The following WWOX variants were observed in gnomAD, a reference collection of about 807,000 sequenced individuals.
WWOX encodes WW domain-containing oxidoreductase.
WWOX carries 69 observed loss-of-function variants against 46.2 expected under a neutral mutation model. The ratio of observed to expected loss-of-function variants is 1.49; its 90% CI spans 1.23 to 1.82. WWOX has a LOEUF of 1.82. WWOX is among the 40% of genes most tolerant of loss of function. The pLI is 0.00. For synonymous variants in WWOX, 359 were observed against 202.6 expected, an observed-to-expected ratio of 1.77 and a Z score of -6.56; for missense variants, 919 against 542.6, an observed-to-expected ratio of 1.69 and a Z score of -6.89.
At chr16:78,412,597 G>A (rs941652324) in intron 6 of WWOX, among the ~76,000 whole-genome samples, 1 of 152,172 alleles carries the variant, frequency 6.6e-6, no homozygotes, top group Non-Finnish European at 1.5e-5. Context: ...GGAGGTCCAA[G>A]AGTGGATGGT....
intron 8 of WWOX, among the ~76,000 whole-genome samples, chr16:78,575,256 A>G (rs2044849000): frequency 6.8e-6 from 1 of 147,600 alleles, no homozygotes; most frequent in Non-Finnish European, 1.5e-5. Context: ...ACACATCAAA[A>G]CTGACTTTTT....
Position 78,939,762 on chromosome 16 carries a change from G to A in WWOX, c.1057-271846G>A, listed in dbSNP as rs1013956339. Among the ~76,000 whole-genome samples, 11 of 152,318 alleles carry A rather than the reference G, an allele frequency of 7.2e-5. No homozygotes were observed. The East Asian group carries it at 1.9e-3, about 27-fold the overall frequency. ...TCTGGGTAACCCAGCCCCTTTTAAT[G>A]ACAACTTCAGTTCTCCAAATTCCAC... is the stretch of plus-strand genomic sequence containing the variant. On this transcript the variant is annotated intron_variant, in intron 8 of 8. Transcript: ENST00000566780.
At chr16:78,952,573 G>C (rs2046083564) in intron 8 of WWOX, among the ~76,000 whole-genome samples, 1 of 151,956 alleles carries the variant, frequency 6.6e-6, no homozygotes, top group Non-Finnish European at 1.5e-5. Flanking sequence ...AGTAGAGACG[G>C]GGTTTCTGCC....
intron 8 of WWOX, among the ~76,000 whole-genome samples, chr16:78,520,807 T>C (rs2043331686): frequency 2.0e-5 from 3 of 152,202 alleles, no homozygotes; most frequent in South Asian, 4.1e-4. Context: ...TGATTTTCTG[T>C]TCGTGGCCTC....
In WWOX at chr16:78,388,645, C is replaced by CAAAA. The variant is rs59881601; in HGVS notation, c.605+1726_605+1729dup. Among the ~76,000 whole-genome samples, 34 of 53,046 alleles carry CAAAA rather than the reference C, an allele frequency of 6.4e-4. 2 individuals carry two copies. In the South Asian group the frequency reaches 0.013, roughly 20 times the overall value. 34.8% of individuals were successfully genotyped at this position (53,046 alleles called of 152,430 possible). A position where few individuals can be genotyped will look rare whatever the true frequency, so the allele number is the denominator to read the frequency against. ...CTGGCGACAGATTGAGACTCCGTCT[C>CAAAA]AAAAAAAAAAAAAAAAAAAAAAAAA... is the stretch of plus-strand genomic sequence containing the variant. On this transcript the variant is annotated intron_variant, in intron 6 of 8. Coordinates refer to ENST00000566780, the MANE Select transcript of WWOX (RefSeq NM_016373.4).
At chr16:78,720,716 C>G (rs531331569) in intron 8 of WWOX, among the ~76,000 whole-genome samples, 5 of 152,038 alleles carry the variant, frequency 3.3e-5, no homozygotes, top group South Asian at 2.1e-4. Context: ...GTGGTTTACA[C>G]TATAAATTTC....
intron 8 of WWOX, among the ~76,000 whole-genome samples, chr16:78,947,033 A>G (rs1431072198): frequency 6.7e-6 from 1 of 148,366 alleles, no homozygotes; most frequent in African/African-American, 2.4e-5. Context: ...TGCCTCCGTA[A>G]AGGAGTAAGT....
At chr16:78,583,349 T>G (rs765436808) in intron 8 of WWOX, among the ~76,000 whole-genome samples, 1 of 152,188 alleles carries the variant, frequency 6.6e-6, no homozygotes, top group Admixed American at 6.5e-5. Flanking sequence ...CTGACAGTAC[T>G]CAGATTTGCT....
At chr16:78,113,882 G>C (rs1211447751) in intron 3 of WWOX, among the ~76,000 whole-genome samples, 1 of 152,050 alleles carries the variant, frequency 6.6e-6, no homozygotes, top group Non-Finnish European at 1.5e-5. Flanking sequence ...TATTACTCTT[G>C]AGTCTTGGTA....
intron 8 of WWOX, among the ~76,000 whole-genome samples, chr16:78,473,497 C>T (rs141649420): frequency 1.3e-5 from 2 of 152,294 alleles, no homozygotes; most frequent in East Asian, 3.9e-4. Context: ...GCATGAAGAG[C>T]TGACAATATT....
chr16:79,009,938 A>T (rs186811535), intron 8 of WWOX, among the ~76,000 whole-genome samples: 20 of 152,326 alleles, frequency 1.3e-4, no homozygotes, highest in African/African-American at 3.8e-4. Context: ...TAATTTGTCT[A>T]TTAACGTGTG....
chr16:78,438,803 C>T (rs903771778), intron 8 of WWOX, among the ~76,000 whole-genome samples: 6 of 152,098 alleles, frequency 3.9e-5, no homozygotes, highest in Admixed American at 1.3e-4. Flanking sequence ...AACGGATGTG[C>T]AGCTACCCTG....
chr16:78,739,518 A>C (rs139335540), intron 8 of WWOX, among the ~76,000 whole-genome samples: 360 of 152,232 alleles, frequency 2.4e-3, no homozygotes, highest in African/African-American at 8.3e-3. Flanking sequence ...GCTGAGTGTA[A>C]AGAAATTCCT....
intron 5 of WWOX, among the ~76,000 whole-genome samples, chr16:78,359,697 G>A (rs560648114): frequency 6.6e-6 from 1 of 152,308 alleles, no homozygotes; most frequent in South Asian, 2.1e-4. Flanking sequence ...GAAATCAACT[G>A]CCACAAAAAC....
intron 8 of WWOX, among the ~76,000 whole-genome samples, chr16:79,026,669 G>A (rs1461477708): frequency 7.3e-6 from 1 of 136,664 alleles, no homozygotes; most frequent in African/African-American, 2.8e-5. Flanking sequence ...CTAGGCTGCA[G>A]TGCAGTGGCG....
At chr16:78,954,175 T>A (rs1305842674) in intron 8 of WWOX, among the ~76,000 whole-genome samples, 1 of 152,190 alleles carries the variant, frequency 6.6e-6, no homozygotes, top group East Asian at 1.9e-4. Flanking sequence ...GCATATTCTT[T>A]AGATGGATGG....
intron 5 of WWOX, among the ~76,000 whole-genome samples, chr16:78,255,965 C>T (rs2038118709): frequency 6.6e-6 from 1 of 151,868 alleles, no homozygotes; most frequent in Non-Finnish European, 1.5e-5. Flanking sequence ...GCCTGGCCAA[C>T]ATGGTGAAAC....
chr16:78,570,463 C>G (rs568833630), intron 8 of WWOX, among the ~76,000 whole-genome samples: 39 of 152,256 alleles, frequency 2.6e-4, no homozygotes, highest in African/African-American at 9.1e-4. Context: ...CATACACCAC[C>G]ATGCCTGCCT....
At chr16:79,015,774 A>G (rs2047400363) in intron 8 of WWOX, among the ~76,000 whole-genome samples, 2 of 151,892 alleles carry the variant, frequency 1.3e-5, no homozygotes, top group Non-Finnish European at 2.9e-5. Flanking sequence ...TTTTTCTGAG[A>G]CAGACTGTCG....
Sources: allele counts gnomAD v4.1 joint callset (sites outside exome capture counted in the v4.1 genomes callset), GRCh38; gene constraint gnomAD v4.1.1; transcripts MANE v1.5; gene names NCBI Gene and HGNC (gene_info 2026-07-23, HGNC 2026-07-21).